DAB2IP: variants seen among roughly 807,000 people sequenced by gnomAD.
DAB2IP encodes the protein DAB2 interacting protein.
In DAB2IP, 28 loss-of-function variants were observed where a neutral mutation model predicts 107.2. That is an observed-to-expected ratio of 0.26 (90% CI 0.19 to 0.36). The LOEUF is 0.36. Ranked by LOEUF, DAB2IP falls within the 10% of genes least tolerant of loss-of-function variation. The pLI, the probability that DAB2IP is intolerant of heterozygous loss-of-function variation, is 1.00. For missense variants in DAB2IP, 1,400 were observed against 1,644.7 expected (o/e 0.85, Z 2.57); for synonymous variants, 755 against 706.4 (o/e 1.07, Z -1.09).
chr9:121,584,391 G>C (rs181928409), intron 1 of DAB2IP, among the ~76,000 whole-genome samples: 159 of 151,694 alleles, frequency 1.0e-3, no homozygotes, highest in Non-Finnish European at 1.3e-3. Context: ...CAGGGCAACA[G>C]AGCAAGACCC....
chr9:121,761,025 C>T (rs1030403413), intron 6 of DAB2IP, among the ~76,000 whole-genome samples: 67 of 152,298 alleles, frequency 4.4e-4, no homozygotes, highest in African/African-American at 1.5e-3. Flanking sequence ...GAGACCCACC[C>T]AGGCAAGTCC....
intron 3 of DAB2IP, among the ~76,000 whole-genome samples, chr9:121,710,906 C>T (rs986345896): frequency 1.3e-5 from 2 of 152,218 alleles, no homozygotes; most frequent in African/African-American, 2.4e-5. Context: ...CTGGATGTGA[C>T]GTAGGGAAGT....
intron 14 of DAB2IP, among the ~76,000 whole-genome samples, chr9:121,779,414 A>G (rs1407936821): frequency 6.6e-6 from 1 of 152,142 alleles, no homozygotes; most frequent in Non-Finnish European, 1.5e-5. Context: ...TTCTCTCTGT[A>G]TACTTGGTAA....
intron 3 of DAB2IP, among the ~76,000 whole-genome samples, chr9:121,715,923 G>C (rs1830580450): frequency 6.6e-6 from 1 of 152,208 alleles, no homozygotes; most frequent in African/African-American, 2.4e-5. Context: ...CAGATAAGGA[G>C]AGTCCAGGCA....
At chr9:121,688,204 G>T (rs372693838) in intron 2 of DAB2IP, among the ~76,000 whole-genome samples, 1 of 152,160 alleles carries the variant, frequency 6.6e-6, no homozygotes, top group Non-Finnish European at 1.5e-5. Context: ...AAAATGAAAC[G>T]ATCAAGTGGT....
At chr9:121,743,141 A>G (rs761798196) in intron 3 of DAB2IP, among the ~76,000 whole-genome samples, 5 of 152,082 alleles carry the variant, frequency 3.3e-5, no homozygotes, top group Non-Finnish European at 7.4e-5. Flanking sequence ...GAGCCCTTGC[A>G]CCCTCAGCTT....
Position 121,772,718 on chromosome 9 carries a change from G to C in DAB2IP, c.2190G>C (p.Ser730=), listed in dbSNP as rs764012902. 1.1e-5 allele frequency: 18 copies of C among 1,613,974 alleles called. No individual in the cohort carries two copies. Among genetic ancestry groups the C allele is most frequent in the Non-Finnish European group, 1.5e-5 (18 of 1,180,020 alleles). Residue 730 remains serine, a synonymous_variant, in exon 12 of 16, where the codon TCG becomes TCC. Transcript: ENST00000408936. The surrounding 1 kb of genome is among the most constrained non-coding windows in gnomAD (Gnocchi z 4.7). ...CACCTGCCCGCAGCTCGAGTTACTC[G>C]GAAGCCAACGAGCCTGATCTTCAGA...
At position 121,772,507 on chromosome 9, in the gene DAB2IP, C is replaced by A; in HGVS notation, c.2079-100C>A. 7.4e-7 allele frequency: 1 copy of A among 1,354,042 alleles called. No individual in the cohort carries two copies. The highest frequency in any genetic ancestry group is 1.0e-6 in the Non-Finnish European group (1 of 980,076). The allele number at this position is 1,354,042 out of a possible 1,614,324, so 83.9% of individuals were successfully genotyped here. On this transcript the variant is annotated intron_variant, in intron 11 of 15. Transcript: ENST00000408936. This position sits in a 1 kb window ranked among gnomAD's most constrained non-coding sequence, Gnocchi z 4.7. The stretch of plus-strand genomic sequence containing the variant: ...CCAGCGCTGGCTCAGGCTGCCAGGC[C>A]CCGGCAGGTTGGCGGGTGCTGTCGG...
At position 121,773,333 on chromosome 9, in the gene DAB2IP, GC is replaced by G; in HGVS notation, c.2811del (p.Asn938ThrfsTer3). The G allele has an allele frequency of 2.0e-6, 3 of 1,473,926 alleles. No individual in the cohort carries two copies. Among genetic ancestry groups the G allele is most frequent in the Non-Finnish European group, 2.7e-6 (3 of 1,105,724 alleles). 91.3% of individuals were successfully genotyped at this position (1,473,926 alleles called of 1,614,324 possible). On this transcript the variant is annotated frameshift_variant, in exon 12 of 16. Transcript: ENST00000408936. LOFTEE classifies it high-confidence loss of function. Reference sequence around the variant, plus strand: ...CACCTCCTGCCCCCCGCGGCCGGACGCCCCCCAACCTGCTGAGCACCCTGCA... The same window carrying G: ...CACCTCCTGCCCCCCGCGGCCGGACGCCCCCAACCTGCTGAGCACCCTGCA...
At chr9:121,609,847 C>G (rs1006549191) in intron 1 of DAB2IP, among the ~76,000 whole-genome samples, 1 of 152,200 alleles carries the variant, frequency 6.6e-6, no homozygotes, top group Admixed American at 6.5e-5. Flanking sequence ...GCTCCAAGAG[C>G]CAAGAATTCC....
intron 1 of DAB2IP, among the ~76,000 whole-genome samples, chr9:121,594,702 G>A (rs569320596): frequency 3.3e-5 from 5 of 152,236 alleles, no homozygotes; most frequent in African/African-American, 1.2e-4. Flanking sequence ...CTGAGGCCAG[G>A]CCTCTTGCAG....
chr9:121,742,093 G>A (rs1832392007), intron 3 of DAB2IP, among the ~76,000 whole-genome samples: 1 of 152,134 alleles, frequency 6.6e-6, no homozygotes, highest in Non-Finnish European at 1.5e-5. Flanking sequence ...TGTGGAGTTG[G>A]ACCTGAAGAC....
In DAB2IP at chr9:121,627,461, A is replaced by G. The variant is rs376889933; in HGVS notation, c.41-51217A>G. Among the ~76,000 whole-genome samples the G allele has an allele frequency of 7.7e-4, 117 of 151,632 alleles. 1 individual carries two copies. The highest frequency in any genetic ancestry group is 2.6e-3 in the African/African-American group (107 of 41,262). On this transcript the variant is annotated intron_variant, in intron 1 of 16. Coordinates refer to the DAB2IP transcript ENST00000259371. The stretch of plus-strand genomic sequence containing the variant: ...TGTTCTTACACGCTTGTGAGAGTTT[A>G]TCTGAAGGATAGCATGTAGAAGGAG...
intron 12 of DAB2IP, among the ~76,000 whole-genome samples, chr9:121,773,901 A>G (rs550559428): frequency 2.4e-4 from 36 of 152,290 alleles, no homozygotes; most frequent in African/African-American, 8.2e-4. Context: ...CCTGTCACCC[A>G]AAGGCTGCAG....
intron 1 of DAB2IP, among the ~76,000 whole-genome samples, chr9:121,568,432 G>A (rs1829857148): frequency 6.6e-6 from 1 of 152,204 alleles, no homozygotes; most frequent in Admixed American, 6.5e-5. Flanking sequence ...GGATGTGTAG[G>A]AATGAGGAAC....
At chr9:121,781,364 T>C (rs1047806589) in intron 14 of DAB2IP, 100 bp from the exon 15 acceptor site, 2 of 1,144,632 alleles carry the variant, frequency 1.7e-6, no homozygotes, top group African/African-American at 3.0e-5. Context: ...GCTCTCCTAG[T>C]GTGTCCCTGC....
intron 1 of DAB2IP, among the ~76,000 whole-genome samples, chr9:121,659,613 G>GA (rs1481240278): frequency 3.3e-5 from 5 of 152,098 alleles, no homozygotes; most frequent in Non-Finnish European, 7.4e-5. Flanking sequence ...CTAACACGGT[G>GA]AAACCCCGTC....
exon 4 of DAB2IP, chr9:121,757,098 A>T: frequency 6.2e-7 from 1 of 1,614,204 alleles, no homozygotes. Context: ...GCTGGACCTC[A>T]GCATGGAGGA....
chr9:121,769,846 G>A (rs958993092), intron 10 of DAB2IP, among the ~76,000 whole-genome samples: 3 of 152,204 alleles, frequency 2.0e-5, no homozygotes, highest in African/African-American at 7.2e-5. Context: ...TTGTCACATC[G>A]GTGATAGGGT....
Sources: allele counts gnomAD v4.1 joint callset (sites outside exome capture counted in the v4.1 genomes callset), GRCh38; gene constraint gnomAD v4.1.1; non-coding constraint Gnocchi (gnomAD v3.1); transcripts MANE v1.5; gene names NCBI Gene and HGNC (gene_info 2026-07-23, HGNC 2026-07-21).